Variants in TGM7 observed in about 807,000 individuals in gnomAD.
TGM7 encodes the protein transglutaminase 7, also known as protein-glutamine gamma-glutamyltransferase Z.
A neutral mutation model predicts 79.5 loss-of-function variants in TGM7; 74 were observed. The observed-to-expected ratio is 0.93, with a 90% CI of 0.77 to 1.13. The LOEUF is 1.13. Ranked by LOEUF, TGM7 falls within the 50% of genes most tolerant of loss-of-function variation. The pLI, the probability that TGM7 is intolerant of heterozygous loss-of-function variation, is 0.00. For missense variants in TGM7, 912 were observed against 905.9 expected, an observed-to-expected ratio of 1.01 and a Z score of -0.09; for synonymous variants, 354 against 362.5, an observed-to-expected ratio of 0.98 and a Z score of 0.27.
intron 11 of TGM7, among the ~76,000 whole-genome samples, chr15:43,277,443 T>TA (rs1272362192): frequency 6.6e-6 from 1 of 152,212 alleles, no homozygotes. Context: ...ATCCTGCCCT[T>TA]ACGCTCATCA....
At position 43,287,316 on chromosome 15, in the gene TGM7, C is replaced by T. The variant is rs372539473; in HGVS notation, c.829G>A (p.Gly277Arg). 2.1e-5 allele frequency: 34 copies of T among 1,613,946 alleles called. No individual in the cohort carries two copies. The highest frequency in any genetic ancestry group is 1.7e-4 in the Middle Eastern group (1 of 5,906). ...ACAGAGGCGAAGACCCAGCACTGTC[C>T]GTACTTCACAGGCTGCCCGCCCCTG... Reference protein sequence around the residue: ...SARGGQPVKYGQCWVFASVMC... With the variant: ...SARGGQPVKYRQCWVFASVMC... The change falls in exon 6 of 13, where the codon GGA (glycine) becomes AGA (arginine). Residue 277 changes from glycine (G) to arginine (R), a missense_variant. By Grantham distance (125) the Gly-to-Arg change is moderately radical. Transcript: ENST00000452443.
chr15:43,281,393 TGGTGCCACTCTG>T (rs2042908283), intron 9 of TGM7, among the ~76,000 whole-genome samples: 1 of 152,172 alleles, frequency 6.6e-6, no homozygotes, highest in Non-Finnish European at 1.5e-5. Context: ...AGGGAGACGG[TGGTGCCACTCTG>T]GGTGGAGTTA....
intron 7 of TGM7, 51 bp downstream of exon 7, chr15:43,284,763 T>C (rs2042926263): frequency 6.2e-7 from 1 of 1,600,596 alleles, no homozygotes; most frequent in East Asian, 2.2e-5. Flanking sequence ...GGTCAGTTTT[T>C]CTGCCCTCCC....
intron 7 of TGM7, among the ~76,000 whole-genome samples, chr15:43,283,223 T>G (rs2042918554): frequency 6.6e-6 from 1 of 152,250 alleles, no homozygotes; most frequent in Non-Finnish European, 1.5e-5. Flanking sequence ...AACCCCTGTA[T>G]AGTTCATAAA....
chr15:43,287,512 C>G, intron 5 of TGM7, 29 bp downstream of exon 5: 1 of 1,612,962 alleles, frequency 6.2e-7, no homozygotes, highest in Non-Finnish European at 8.5e-7. Flanking sequence ...TCAGACTGTC[C>G]TCAGACGGCG....
intron 1 of TGM7, among the ~76,000 whole-genome samples, chr15:43,295,555 A>G (rs2042988150): frequency 6.6e-6 from 1 of 152,104 alleles, no homozygotes; most frequent in South Asian, 2.1e-4. Flanking sequence ...GCCCCATTGC[A>G]CTCCAGCCTG....
chr15:43,284,284 G>A (rs1211458943), intron 7 of TGM7, among the ~76,000 whole-genome samples: 2 of 152,100 alleles, frequency 1.3e-5, no homozygotes, highest in African/African-American at 4.8e-5. Flanking sequence ...GGGTAGAGCT[G>A]AGAACAAAGG....
chr15:43,287,785 G>A, intron 4 of TGM7, 116 bp from the exon 5 acceptor site: 2 of 1,217,830 alleles, frequency 1.6e-6, no homozygotes, highest in Non-Finnish European at 2.3e-6. Flanking sequence ...GGGGGCAGGG[G>A]GAGGGCGCTA....
chr15:43,281,932 GT>G lies in TGM7; in HGVS notation c.1262del (p.Asn421ThrfsTer40), dbSNP rs759794597. On this transcript the variant is annotated frameshift_variant, in exon 9 of 13. Coordinates refer to ENST00000452443, the MANE Select transcript of TGM7 (RefSeq NM_052955.3). LOFTEE classifies it high-confidence loss of function. ...TGATCTCCTTCCCGATGGAACTGGT[GT>G]TGTGGGCCAGGATTTCCTGGGCCTG... is the stretch of plus-strand genomic sequence containing the variant. ...DGQAQEILAHNTSSIGKEIST... is the reference protein window; with the variant it reads ...DGQAQEILAHXTSSIGKEIST... The G allele has an allele frequency of 1.2e-6, 2 of 1,614,236 alleles. No individual in the cohort carries two copies. The highest frequency in any genetic ancestry group is 2.2e-5 in the South Asian group (2 of 91,086).
Position 43,276,462 on chromosome 15 carries a change from G to A in TGM7, c.2126C>T (p.Ala709Val). Residue 709 changes from alanine (A) to valine (V), a missense_variant, in exon 13 of 13, where the codon GCT (alanine) becomes GTT (valine). Ala to Val is a moderately conservative substitution (Grantham distance 64, BLOSUM62 0). Transcript: ENST00000452443. ...YKDIFVTVAG[A>V]P Reference sequence around the variant, plus strand: ...GCAGCTGGAGGGCGGGTCTCAGGGAGCCCCAGCCACAGTGACGAAGATGTC... The same window carrying A: ...GCAGCTGGAGGGCGGGTCTCAGGGAACCCCAGCCACAGTGACGAAGATGTC... 2 of 1,612,636 alleles carry A rather than the reference G, an allele frequency of 1.2e-6. No homozygotes were observed. Among genetic ancestry groups the A allele is most frequent in the Non-Finnish European group, 1.7e-6 (2 of 1,179,272 alleles).
chr15:43,290,911 T>A (rs1330736911), intron 4 of TGM7, among the ~76,000 whole-genome samples: 5 of 152,194 alleles, frequency 3.3e-5, no homozygotes, highest in Non-Finnish European at 5.9e-5. Flanking sequence ...GCACATTGAT[T>A]TTGTATCCTG....
At chr15:43,293,659 C>G in intron 1 of TGM7, 28 bp from the exon 2 acceptor site, 1 of 1,565,116 alleles carries the variant, frequency 6.4e-7, no homozygotes, top group Non-Finnish European at 8.6e-7. Context: ...ACAGGTCACG[C>G]CCACCTGCAG....
At chr15:43,292,652 C>A in intron 3 of TGM7, 57 bp downstream of exon 3, 2 of 1,588,726 alleles carry the variant, frequency 1.3e-6, no homozygotes, top group South Asian at 1.1e-5. Context: ...TCCAAAGAAC[C>A]TCACAGGGCC....
At chr15:43,289,784 T>C (rs938588585) in intron 4 of TGM7, among the ~76,000 whole-genome samples, 12 of 152,340 alleles carry the variant, frequency 7.9e-5, no homozygotes, top group South Asian at 6.2e-4. Flanking sequence ...TATCTCATTG[T>C]GGTTTTGATT....
At chr15:43,277,034 C>G (rs757382504) in intron 11 of TGM7, 39 bp from the exon 12 acceptor site, 16 of 1,608,194 alleles carry the variant, frequency 9.9e-6, no homozygotes, top group Non-Finnish European at 1.3e-5. Context: ...GGGCAACTGG[C>G]CTCGCTTCTG....
chr15:43,291,335 C>T (rs1297857871), intron 4 of TGM7, among the ~76,000 whole-genome samples: 1 of 152,158 alleles, frequency 6.6e-6, no homozygotes, highest in Admixed American at 6.5e-5. Context: ...CAGTTTTTGT[C>T]GTTGGTTCTG....
chr15:43,288,745 C>A (rs1372727624), intron 4 of TGM7, among the ~76,000 whole-genome samples: 1 of 152,114 alleles, frequency 6.6e-6, no homozygotes, highest in Admixed American at 6.5e-5. Context: ...GCCTGGCCAA[C>A]ACGGTGAAAC....
chr15:43,288,727 C>A (rs1012712750), intron 4 of TGM7, among the ~76,000 whole-genome samples: 1 of 152,136 alleles, frequency 6.6e-6, no homozygotes, highest in South Asian at 2.1e-4. Flanking sequence ...GTCAGAAGTT[C>A]GAGACCAGCC....
At chr15:43,286,032 AG>A (rs1162671350) in intron 6 of TGM7, among the ~76,000 whole-genome samples, 1 of 152,168 alleles carries the variant, frequency 6.6e-6, no homozygotes, top group Non-Finnish European at 1.5e-5. Context: ...TGAGGCTGCC[AG>A]GAGGATTACA....
Sources: gnomAD v4.1 joint callset for allele counts (sites outside exome capture counted in the v4.1 genomes callset) on GRCh38, gnomAD v4.1.1 for gene constraint, MANE v1.5 for transcripts, NCBI Gene and HGNC (gene_info 2026-07-23, HGNC 2026-07-21) for gene names.